HERC1: variants seen among roughly 807,000 people sequenced by gnomAD.
The protein encoded by HERC1 is HECT and RLD domain containing E3 ubiquitin protein ligase family member 1, also known as probable E3 ubiquitin-protein ligase HERC1.
HERC1 carries 160 observed loss-of-function variants against 554.3 expected under a neutral mutation model. That is an observed-to-expected ratio of 0.29 (90% CI 0.25 to 0.33). The LOEUF (loss-of-function observed/expected upper bound fraction) is 0.33, where lower values mean the gene tolerates loss of function less well. Among genes scored for constraint, HERC1 ranks in the 10% least tolerant of loss-of-function variants. The probability of loss-of-function intolerance (pLI) is 1.00; values close to 1 mark genes in which losing one functional copy is unlikely to be tolerated. For synonymous variants in HERC1, 2,175 were observed against 2,131.7 expected (o/e 1.02, Z -0.56); for missense variants, 4,919 against 5,918.5 (o/e 0.83, Z 5.54).
intron 1 of HERC1, among the ~76,000 whole-genome samples, chr15:63,829,676 T>C (rs1221975023): frequency 1.3e-5 from 2 of 149,816 alleles, no homozygotes; most frequent in Non-Finnish European, 3.0e-5. Flanking sequence ...AGTATACAGA[T>C]TTTGATTTTA....
At chr15:63,789,867 T>C (rs926232124) in intron 1 of HERC1, among the ~76,000 whole-genome samples, 1 of 151,564 alleles carries the variant, frequency 6.6e-6, no homozygotes, top group African/African-American at 2.4e-5. Context: ...TTTTTATTAT[T>C]TACATGATAC....
rs1031524732 is a variant in HERC1, at chr15:63,692,681, T to G, written c.5675-115A>C. ...ACAAATCTAATGCAAAATCTTAGGC[T>G]GTCAGCTACTGAATTCTGAAAACTT... On this transcript the variant is annotated intron_variant, in intron 30 of 77. Coordinates refer to ENST00000443617, the MANE Select transcript of HERC1 (RefSeq NM_003922.4). The surrounding 1 kb of genome is among the most constrained non-coding windows in gnomAD (Gnocchi z 4.7). 1 of 875,124 alleles carries G rather than the reference T, an allele frequency of 1.1e-6. No homozygotes were observed. Among genetic ancestry groups the G allele is most frequent in the Non-Finnish European group, 1.7e-6 (1 of 596,868 alleles). The allele number at this position is 875,124 out of a possible 1,614,324, so 54.2% of individuals were successfully genotyped here.
intron 25 of HERC1, 65 bp from the exon 26 acceptor site, chr15:63,699,061 A>G (rs903746549): frequency 1.5e-5 from 21 of 1,426,082 alleles, no homozygotes; most frequent in African/African-American, 7.1e-5. Flanking sequence ...CTGAAACTAG[A>G]TAAGGCTGAG....
chr15:63,701,032 G>GTT (rs1364876727), intron 25 of HERC1, among the ~76,000 whole-genome samples: 1 of 150,104 alleles, frequency 6.7e-6, no homozygotes, highest in African/African-American at 2.4e-5. Flanking sequence ...TTGGGGGGGT[G>GTT]TTTTTTTTTA....
At position 63,669,713 on chromosome 15, in the gene HERC1, C is replaced by G; in HGVS notation, c.8046-15G>C. 1 of 1,608,940 alleles carries G rather than the reference C, an allele frequency of 6.2e-7. No individual in the cohort carries two copies. Among genetic ancestry groups the G allele is most frequent in the Non-Finnish European group, 8.5e-7 (1 of 1,175,992 alleles). On this transcript the variant is annotated splice_polypyrimidine_tract_variant and intron_variant, in intron 39 of 77. Transcript: ENST00000443617. Reference sequence around the variant, plus strand: ...AGAACATTTGCCTTTAAGAAAATAACAGTGGTTAGCATAAAAATCCAATTT... The same window carrying G: ...AGAACATTTGCCTTTAAGAAAATAAGAGTGGTTAGCATAAAAATCCAATTT...
At chr15:63,699,360 G>A (rs2072600759) in intron 25 of HERC1, among the ~76,000 whole-genome samples, 1 of 152,166 alleles carries the variant, frequency 6.6e-6, no homozygotes, top group Non-Finnish European at 1.5e-5. Context: ...AAGGAACTAG[G>A]CACTTAAGAC....
At chr15:63,795,920 T>C (rs1283478137) in intron 1 of HERC1, among the ~76,000 whole-genome samples, 1 of 152,146 alleles carries the variant, frequency 6.6e-6, no homozygotes, top group Non-Finnish European at 1.5e-5. Flanking sequence ...CTGAGAAAGG[T>C]AAAAATACCT....
intron 1 of HERC1, among the ~76,000 whole-genome samples, chr15:63,796,390 A>G (rs1324053294): frequency 6.6e-6 from 1 of 152,208 alleles, no homozygotes; most frequent in Non-Finnish European, 1.5e-5. Flanking sequence ...ATTAAAACTT[A>G]AACTCACAAA....
chr15:63,754,066 TG>T (rs1356153098), intron 7 of HERC1, among the ~76,000 whole-genome samples: 1 of 151,530 alleles, frequency 6.6e-6, no homozygotes, highest in African/African-American at 2.4e-5. Context: ...CCCAGCTACT[TG>T]GGGGGCTGAG....
chr15:63,622,681 G>A lies in HERC1; in HGVS notation c.13688+134C>T, dbSNP rs577888430. ...GATAACAACAATATTTACTCCTTAG[G>A]GTTACAATGAGGACTGAAGGGGATA... On this transcript the variant is annotated intron_variant, in intron 74 of 77. Coordinates refer to ENST00000443617, the MANE Select transcript of HERC1 (RefSeq NM_003922.4). 69 of 586,800 alleles carry A rather than the reference G, an allele frequency of 1.2e-4. No individual in the cohort carries two copies. The East Asian group carries it at 2.2e-3, about 19-fold the overall frequency. The allele number at this position is 586,800 out of a possible 1,614,324, so 36.3% of individuals were successfully genotyped here.
rs566542526 is a variant in HERC1 at position 63,652,145 on chromosome 15, C to T, written c.10418+269G>A. On this transcript the variant is annotated intron_variant, in intron 52 of 77. Transcript: ENST00000443617. ...CTAAACAACTCTTAAAGACCTATAG[C>T]AAATTAGCCTACTGTTTTACATAGT... is the stretch of plus-strand genomic sequence containing the variant. Among the ~76,000 whole-genome samples, 5 of 152,282 alleles carry T rather than the reference C, an allele frequency of 3.3e-5. No individual in the cohort carries two copies. In the South Asian group the frequency reaches 1.0e-3, roughly 32 times the overall value.
rs552291680 is a variant in HERC1, at chr15:63,644,499, G to GT, written c.11184+492dup. Among the ~76,000 whole-genome samples the GT allele has an allele frequency of 1.9e-3, 284 of 147,900 alleles. 5 individuals are homozygous for GT. Among genetic ancestry groups the GT allele is most frequent in the African/African-American group, 5.5e-3 (222 of 40,532 alleles). Reference sequence around the variant, plus strand: ...TTATATAAAGCATGTAAGCTTCTTTGTTTTTTTTTTCTGTTTTTGCTTTTT... The same window carrying GT: ...TTATATAAAGCATGTAAGCTTCTTTGTTTTTTTTTTTCTGTTTTTGCTTTTT... On this transcript the variant is annotated intron_variant, in intron 57 of 77. Transcript: ENST00000443617.
intron 24 of HERC1, among the ~76,000 whole-genome samples, chr15:63,709,329 G>T (rs2073176178): frequency 6.6e-6 from 1 of 151,058 alleles, no homozygotes; most frequent in South Asian, 2.1e-4. Flanking sequence ...TTAAAAATGG[G>T]TTTTTTTTTA....
intron 2 of HERC1, among the ~76,000 whole-genome samples, chr15:63,768,051 C>T (rs1203466749): frequency 6.6e-6 from 1 of 152,194 alleles, no homozygotes; most frequent in Non-Finnish European, 1.5e-5. Context: ...TTCAGCTGTT[C>T]CAAATCCCTC....
At chr15:63,741,091 C>T (rs1369969626) in intron 12 of HERC1, among the ~76,000 whole-genome samples, 2 of 148,898 alleles carry the variant, frequency 1.3e-5, no homozygotes, top group African/African-American at 2.5e-5. Flanking sequence ...TGCAATGGTG[C>T]GGTCTCCACT....
In HERC1 at chr15:63,699,004, C is replaced by A. The variant is rs2072577237; in HGVS notation, c.4637-8G>T. ...ATTGACTGTGCATAGGACCTATATA[C>A]AAACAGAATAAACATATATCAATGG... On this transcript the variant is annotated splice_region_variant and splice_polypyrimidine_tract_variant and intron_variant, in intron 25 of 77. Transcript: ENST00000443617. 1.9e-6 allele frequency: 3 copies of A among 1,600,512 alleles called. No individual in the cohort carries two copies. Among genetic ancestry groups the A allele is most frequent in the Non-Finnish European group, 2.6e-6 (3 of 1,170,124 alleles).
At chr15:63,824,983 G>A (rs1176845783) in intron 1 of HERC1, among the ~76,000 whole-genome samples, 1 of 152,112 alleles carries the variant, frequency 6.6e-6, no homozygotes, top group African/African-American at 2.4e-5. Flanking sequence ...TTGCAGTTAT[G>A]TAGGATGAAT....
intron 30 of HERC1, 139 bp downstream of exon 30, chr15:63,693,825 G>A: frequency 1.1e-6 from 1 of 879,354 alleles, no homozygotes; most frequent in Non-Finnish European, 1.7e-6. Context: ...TACGTGAAGA[G>A]AAAAGAGGTT....
chr15:63,765,422 A>G (rs1293243246), intron 2 of HERC1, among the ~76,000 whole-genome samples: 6 of 152,136 alleles, frequency 3.9e-5, no homozygotes, highest in Admixed American at 3.9e-4. Context: ...TAACCTGAAG[A>G]ACTGATTCAG....
Sources: gnomAD v4.1 joint callset for allele counts (sites outside exome capture counted in the v4.1 genomes callset) on GRCh38, gnomAD v4.1.1 for gene constraint, Gnocchi (gnomAD v3.1) non-coding constraint, MANE v1.5 for transcripts, NCBI Gene and HGNC (gene_info 2026-07-23, HGNC 2026-07-21) for gene names.